Variants in TXNDC9 observed in about 807,000 individuals in gnomAD.
The protein encoded by TXNDC9 is thioredoxin domain-containing protein 9.
Under a neutral mutation model 23.0 loss-of-function variants are expected in TXNDC9, and 7 were observed. The observed-to-expected ratio is 0.30, with a 90% CI of 0.17 to 0.57. TXNDC9 has a LOEUF of 0.57. Ranked by LOEUF, TXNDC9 falls within the 20% of genes least tolerant of loss-of-function variation. The pLI, the probability that TXNDC9 is intolerant of heterozygous loss-of-function variation, is 0.90. For synonymous variants in TXNDC9, 72 were observed against 90.6 expected, an observed-to-expected ratio of 0.79 and a Z score of 1.17; for missense variants, 198 against 252.6, an observed-to-expected ratio of 0.78 and a Z score of 1.47.
In TXNDC9 at chr2:99,319,553, G is replaced by A; in HGVS notation, c.*129C>T. On this transcript the variant is annotated 3_prime_UTR_variant, in exon 5 of 5. Transcript: ENST00000264255. Reference sequence around the variant, plus strand: ...AAACAGTAAAGACACTTTTCGATGTGATACAACTGTATAAAACTCGAGAAT... The same window carrying A: ...AAACAGTAAAGACACTTTTCGATGTAATACAACTGTATAAAACTCGAGAAT... 1 of 681,132 alleles carries A rather than the reference G, an allele frequency of 1.5e-6. No homozygotes were observed. Among genetic ancestry groups the A allele is most frequent in the Non-Finnish European group, 2.5e-6 (1 of 399,578 alleles). 42.2% of individuals were successfully genotyped at this position (681,132 alleles called of 1,614,324 possible).
At chr2:99,325,682 T>C (rs1362311553) in intron 3 of TXNDC9, among the ~76,000 whole-genome samples, 1 of 152,140 alleles carries the variant, frequency 6.6e-6, no homozygotes, top group African/African-American at 2.4e-5. Flanking sequence ...GCGCTGCCTC[T>C]ACAAAACGAA....
At chr2:99,328,730 C>A (rs2094218464) in intron 2 of TXNDC9, among the ~76,000 whole-genome samples, 2 of 151,774 alleles carry the variant, frequency 1.3e-5, no homozygotes, top group Non-Finnish European at 2.9e-5. Flanking sequence ...AATCCCAGCA[C>A]CTTGGGAGGC....
At chr2:99,319,910 AAATGCTGGTGTCAGGGAAGAGGTAT>A in intron 4 of TXNDC9, 111 bp from the exon 5 acceptor site, 1 of 688,950 alleles carries the variant, frequency 1.5e-6, no homozygotes, top group Non-Finnish European at 2.4e-6. Flanking sequence ...AATTTCTTTA[AAATGCTGGTGTCAGGGAAGAGGTAT>A]AATGCTTATA....
intron 4 of TXNDC9, chr2:99,321,726 G>C (rs886858525): frequency 1.4e-5 from 7 of 490,188 alleles, no homozygotes; most frequent in African/African-American, 1.2e-4. Flanking sequence ...GGAGTACGGT[G>C]AGACTCAGTT....
At chr2:99,315,936 T>G (rs1354185083), downstream of TXNDC9, among the ~76,000 whole-genome samples, 2 of 152,192 alleles carry the variant, frequency 1.3e-5, no homozygotes, top group African/African-American at 4.8e-5. Flanking sequence ...TTGGCTACTC[T>G]GGGTCCACAT....
chr2:99,335,069 C>A (rs2094235537), intron 1 of TXNDC9, among the ~76,000 whole-genome samples: 1 of 152,116 alleles, frequency 6.6e-6, no homozygotes, highest in South Asian at 2.1e-4. Flanking sequence ...AATTTTATAC[C>A]AACAATTAGA....
chr2:99,320,724 A>G (rs2094199750), intron 4 of TXNDC9, among the ~76,000 whole-genome samples: 1 of 152,224 alleles, frequency 6.6e-6, no homozygotes, highest in Non-Finnish European at 1.5e-5. Flanking sequence ...TAGAAAATAT[A>G]TATGGAAGTC....
chr2:99,329,842 C>T (rs1407196552), intron 2 of TXNDC9, among the ~76,000 whole-genome samples: 1 of 151,860 alleles, frequency 6.6e-6, no homozygotes, highest in East Asian at 1.9e-4. Context: ...TTGGCACACA[C>T]CTGTAATCCC....
chr2:99,330,458 A>G (rs969407657), intron 2 of TXNDC9, among the ~76,000 whole-genome samples: 1 of 151,914 alleles, frequency 6.6e-6, no homozygotes, highest in Admixed American at 6.6e-5. Flanking sequence ...TGACACATTC[A>G]CTACACCCCT....
chr2:99,317,340 A>G (rs1476388330), downstream of TXNDC9, among the ~76,000 whole-genome samples: 1 of 151,952 alleles, frequency 6.6e-6, no homozygotes, highest in Non-Finnish European at 1.5e-5. Context: ...CTGGATAGTA[A>G]TTTCCCTCCA....
At chr2:99,309,826 C>T in the TXNDC9 span, among the ~76,000 whole-genome samples, 1 of 152,032 alleles carries the variant, frequency 6.6e-6, no homozygotes, top group South Asian at 2.1e-4. Flanking sequence ...AGTGAGATTA[C>T]AGGCATGTAC....
At chr2:99,318,959 A>C (rs1275893393), downstream of TXNDC9, 1 of 152,268 alleles carries the variant, frequency 6.6e-6, no homozygotes, top group African/African-American at 2.4e-5. Flanking sequence ...CTATTCTAAA[A>C]GATTGACTTT....
chr2:99,327,497 G>GT (rs747369555), intron 3 of TXNDC9, 38 bp downstream of exon 3: 9 of 1,434,934 alleles, frequency 6.3e-6, no homozygotes, highest in Middle Eastern at 2.3e-4. Flanking sequence ...AATTCACTGT[G>GT]TTTTTTTAGA....
At chr2:99,333,327 G>T in intron 1 of TXNDC9, 85 bp from the exon 2 acceptor site, 1 of 1,075,866 alleles carries the variant, frequency 9.3e-7, no homozygotes, top group Non-Finnish European at 1.3e-6. Context: ...ATTCTGGCAA[G>T]TGTATAATGT....
intron 3 of TXNDC9, among the ~76,000 whole-genome samples, chr2:99,324,239 A>T (rs968479642): frequency 3.3e-5 from 5 of 152,222 alleles, no homozygotes; most frequent in African/African-American, 9.6e-5. Context: ...ATAAAGCTTG[A>T]GAACTACCTC....
chr2:99,335,438 T>C (rs1350770668), intron 1 of TXNDC9, among the ~76,000 whole-genome samples: 1 of 152,238 alleles, frequency 6.6e-6, no homozygotes, highest in East Asian at 1.9e-4. Context: ...AACACGTGCC[T>C]GACTTCTGTT....
the TXNDC9 span, among the ~76,000 whole-genome samples, chr2:99,313,094 G>A: frequency 3.9e-5 from 6 of 152,012 alleles, no homozygotes; most frequent in African/African-American, 9.7e-5. Context: ...CCCAGGAGGC[G>A]GAGGTTACAT....
At chr2:99,312,200 C>G in the TXNDC9 span, among the ~76,000 whole-genome samples, 1 of 152,272 alleles carries the variant, frequency 6.6e-6, no homozygotes, top group East Asian at 1.9e-4. Context: ...TGACCAAGCC[C>G]ACACCCCTTA....
intron 3 of TXNDC9, among the ~76,000 whole-genome samples, chr2:99,327,244 G>A (rs2094214681): frequency 6.6e-6 from 1 of 151,864 alleles, no homozygotes; most frequent in African/African-American, 2.4e-5. Flanking sequence ...GGCTAATTTT[G>A]TAGTTTTAGT....
Sources: gnomAD v4.1 joint callset for allele counts (sites outside exome capture counted in the v4.1 genomes callset) on GRCh38, gnomAD v4.1.1 for gene constraint, MANE v1.5 for transcripts, NCBI Gene and HGNC (gene_info 2026-07-23, HGNC 2026-07-21) for gene names.